The following TAFA1 variants were observed in gnomAD, a reference collection of about 807,000 sequenced individuals.
TAFA1 encodes the protein TAFA chemokine like family member 1, also known as chemokine-like protein TAFA-1.
A neutral mutation model predicts 18.5 loss-of-function variants in TAFA1; 4 were observed. That is an observed-to-expected ratio of 0.22 (90% CI 0.11 to 0.49). The LOEUF (loss-of-function observed/expected upper bound fraction) is 0.49, where lower values mean the gene tolerates loss of function less well. Among genes scored for constraint, TAFA1 ranks in the 20% least tolerant of loss-of-function variants. TAFA1 has a pLI of 0.98. For missense variants in TAFA1, 147 were observed against 169.0 expected, an observed-to-expected ratio of 0.87 and a Z score of 0.72; for synonymous variants, 56 against 55.2, an observed-to-expected ratio of 1.01 and a Z score of -0.06.
chr3:68,020,175 C>A (rs1347714419), intron 2 of TAFA1, among the ~76,000 whole-genome samples: 1 of 152,038 alleles, frequency 6.6e-6, no homozygotes, highest in Non-Finnish European at 1.5e-5. Flanking sequence ...TCAAAATGGG[C>A]CACGTAGCAT....
chr3:68,302,809 T>C (rs1009370764), intron 2 of TAFA1, among the ~76,000 whole-genome samples: 2 of 152,146 alleles, frequency 1.3e-5, no homozygotes, highest in Non-Finnish European at 2.9e-5. Context: ...GAAATCATTT[T>C]CCCTAAGCCT....
chr3:68,321,716 T>C (rs957854251), intron 2 of TAFA1, among the ~76,000 whole-genome samples: 1 of 152,120 alleles, frequency 6.6e-6, no homozygotes, highest in African/African-American at 2.4e-5. Flanking sequence ...TCCATCCCCA[T>C]CACCTCCTCC....
At chr3:68,133,564 C>T (rs529364843) in intron 2 of TAFA1, among the ~76,000 whole-genome samples, 1 of 152,210 alleles carries the variant, frequency 6.6e-6, no homozygotes, top group South Asian at 2.1e-4. Context: ...TTGTAGTTCT[C>T]CTTGAAGAGG....
At chr3:68,455,145 C>T (rs909542133) in intron 3 of TAFA1, among the ~76,000 whole-genome samples, 1 of 151,638 alleles carries the variant, frequency 6.6e-6, no homozygotes, top group African/African-American at 2.4e-5. Context: ...TTTATTATTC[C>T]TTAAGTGGAA....
intron 2 of TAFA1, among the ~76,000 whole-genome samples, chr3:68,125,508 C>T (rs138700082): frequency 1.8e-4 from 27 of 152,326 alleles, no homozygotes; most frequent in African/African-American, 6.5e-4. Context: ...GTTCTAAATA[C>T]ACTGGAGAGA....
At chr3:68,308,931 A>T (rs1050213183) in intron 2 of TAFA1, among the ~76,000 whole-genome samples, 1 of 152,132 alleles carries the variant, frequency 6.6e-6, no homozygotes, top group African/African-American at 2.4e-5. Context: ...CTACTGCTCC[A>T]ATCTTTATCA....
intron 3 of TAFA1, among the ~76,000 whole-genome samples, chr3:68,460,760 A>G (rs2071761103): frequency 6.6e-6 from 1 of 152,198 alleles, no homozygotes; most frequent in African/African-American, 2.4e-5. Flanking sequence ...GATTCCATAG[A>G]CCTGGGCTAG....
intron 2 of TAFA1, among the ~76,000 whole-genome samples, chr3:68,073,514 C>A (rs1456545126): frequency 2.0e-5 from 3 of 152,174 alleles, no homozygotes; most frequent in African/African-American, 7.2e-5. Context: ...ATAAATATAG[C>A]ACTATGAGGG....
intron 2 of TAFA1, among the ~76,000 whole-genome samples, chr3:68,325,779 C>G (rs1356227883): frequency 6.6e-6 from 1 of 152,126 alleles, no homozygotes; most frequent in Non-Finnish European, 1.5e-5. Flanking sequence ...TCTTCATAAG[C>G]TTATTCAGTT....
At chr3:68,479,044 A>G (rs988430374) in intron 3 of TAFA1, among the ~76,000 whole-genome samples, 3 of 150,610 alleles carry the variant, frequency 2.0e-5, no homozygotes, top group African/African-American at 7.3e-5. Flanking sequence ...CATCCTGGCC[A>G]ACATAGTGAA....
At chr3:68,334,377 A>G (rs143917858) in intron 2 of TAFA1, among the ~76,000 whole-genome samples, 27 of 151,660 alleles carry the variant, frequency 1.8e-4, no homozygotes, top group Admixed American at 1.6e-3. Flanking sequence ...TTGTTGTTAC[A>G]TTTGTCGATT....
chr3:68,259,284 A>G (rs554292722), intron 2 of TAFA1, among the ~76,000 whole-genome samples: 2 of 152,294 alleles, frequency 1.3e-5, no homozygotes, highest in Non-Finnish European at 2.9e-5. Context: ...ACAATGTAAC[A>G]CTTGTGGAAC....
intron 2 of TAFA1, among the ~76,000 whole-genome samples, chr3:68,072,883 G>T (rs996752329): frequency 2.6e-5 from 4 of 152,140 alleles, no homozygotes; most frequent in African/African-American, 9.7e-5. Context: ...AAACTGAAAA[G>T]AACACTACAA....
intron 2 of TAFA1, among the ~76,000 whole-genome samples, chr3:68,176,867 C>T (rs2066132961): frequency 6.6e-6 from 1 of 152,050 alleles, no homozygotes; most frequent in Non-Finnish European, 1.5e-5. Flanking sequence ...AGCACAAAAG[C>T]TCAACCTGGG....
chr3:68,412,368 T>C (rs1311280483), intron 2 of TAFA1, among the ~76,000 whole-genome samples: 2 of 151,730 alleles, frequency 1.3e-5, no homozygotes, highest in Non-Finnish European at 2.9e-5. Flanking sequence ...TAAATTTGGA[T>C]ATATATTCTT....
chr3:68,404,371 C>T (rs2106756454), intron 2 of TAFA1, among the ~76,000 whole-genome samples: 1 of 152,302 alleles, frequency 6.6e-6, no homozygotes, highest in Non-Finnish European at 1.5e-5. Flanking sequence ...ATAAGCAAAA[C>T]ACTAATTTAG....
intron 2 of TAFA1, among the ~76,000 whole-genome samples, chr3:68,173,416 G>T (rs1310428830): frequency 3.3e-5 from 5 of 152,060 alleles, no homozygotes; most frequent in Non-Finnish European, 7.4e-5. Flanking sequence ...TGCCACTCAA[G>T]TATTTGCAAA....
At chr3:68,278,781 C>T (rs762861222) in intron 2 of TAFA1, among the ~76,000 whole-genome samples, 3 of 152,096 alleles carry the variant, frequency 2.0e-5, no homozygotes, top group Admixed American at 1.3e-4. Flanking sequence ...CCCACCACCC[C>T]CATAGATTCG....
At chr3:68,281,698 TCCA>T (rs2067900590) in intron 2 of TAFA1, among the ~76,000 whole-genome samples, 1 of 152,114 alleles carries the variant, frequency 6.6e-6, no homozygotes, top group Admixed American at 6.6e-5. Context: ...CCTGAAGTGA[TCCA>T]CCTGCCTCGG....
Sources: gnomAD v4.1 joint callset for allele counts (sites outside exome capture counted in the v4.1 genomes callset) on GRCh38, gnomAD v4.1.1 for gene constraint, MANE v1.5 for transcripts, NCBI Gene and HGNC (gene_info 2026-07-23, HGNC 2026-07-21) for gene names.